The following DNAH11 variants were observed in gnomAD, a reference collection of about 807,000 sequenced individuals.
DNAH11 encodes axonemal beta dynein heavy chain 11.
In DNAH11, 442 loss-of-function variants were observed where a neutral mutation model predicts 526.0. The ratio of observed to expected loss-of-function variants is 0.84; its 90% CI spans 0.78 to 0.91. The LOEUF (loss-of-function observed/expected upper bound fraction) is 0.91. DNAH11 is among the 40% of genes least tolerant of loss of function. The pLI is 0.00. For missense variants in DNAH11, 6,989 were observed against 5,448.7 expected, an observed-to-expected ratio of 1.28 and a Z score of -8.90; for synonymous variants, 2,461 against 1,935.9, an observed-to-expected ratio of 1.27 and a Z score of -7.12.
At position 21,901,769 on chromosome 7, in the gene DNAH11, G is replaced by A. The variant is rs1366071189; in HGVS notation, c.*515G>A. The A allele has an allele frequency of 1.4e-5, 2 of 139,816 alleles. No individual in the cohort carries two copies. The highest frequency in any genetic ancestry group is 3.2e-5 in the Non-Finnish European group (2 of 62,186). 8.7% of individuals were successfully genotyped at this position (139,816 alleles called of 1,614,324 possible). A position where few individuals can be genotyped will look rare whatever the true frequency, so the allele number is the denominator to read the frequency against. On this transcript the variant is annotated 3_prime_UTR_variant, in exon 82 of 82. Transcript: ENST00000409508. ...CACTCTGTAAGGCCTCCAGTGTCCA[G>A]TGTCTACAATGTTGATGGTCCCCTT... is the stretch of plus-strand genomic sequence containing the variant.
intron 74 of DNAH11, among the ~76,000 whole-genome samples, chr7:21,875,349 C>A (rs1362382340): frequency 2.0e-5 from 3 of 152,102 alleles, no homozygotes; most frequent in Admixed American, 6.6e-5. Context: ...TATCTTTATT[C>A]ATGAAAGTGA....
intron 65 of DNAH11, among the ~76,000 whole-genome samples, chr7:21,818,647 C>T (rs1411141177): frequency 6.6e-6 from 1 of 152,166 alleles, no homozygotes; most frequent in Admixed American, 6.6e-5. Context: ...CAGTAATTTG[C>T]AGAACACCTT....
intron 22 of DNAH11, among the ~76,000 whole-genome samples, chr7:21,617,028 T>C (rs1311654540): frequency 6.6e-6 from 1 of 152,240 alleles, no homozygotes; most frequent in East Asian, 1.9e-4. Context: ...CTTCATTCTT[T>C]CGGATGTCAT....
chr7:21,775,139 A>G (rs1787616841), intron 56 of DNAH11, among the ~76,000 whole-genome samples: 1 of 152,168 alleles, frequency 6.6e-6, no homozygotes, highest in Non-Finnish European at 1.5e-5. Flanking sequence ...CTATACCAAG[A>G]ATGACTCTGT....
At position 21,793,872 on chromosome 7, in the gene DNAH11, C is replaced by G. The variant is rs927707022; in HGVS notation, c.10026+4530C>G. 6.6e-6 allele frequency among the ~76,000 whole-genome samples: 1 copy of G among 152,122 alleles called. No individual in the cohort carries two copies. The highest frequency in any genetic ancestry group is 1.5e-5 in the Non-Finnish European group (1 of 68,010). On this transcript the variant is annotated intron_variant, in intron 61 of 81. Transcript: ENST00000409508. Reference sequence around the variant, plus strand: ...TTGAACAAGCTTTCTACATCTTGCTCTTTTTAAACTCCCTCTTGAACTCCA... The same window carrying G: ...TTGAACAAGCTTTCTACATCTTGCTGTTTTTAAACTCCCTCTTGAACTCCA...
intron 56 of DNAH11, among the ~76,000 whole-genome samples, chr7:21,775,892 G>T (rs1026565418): frequency 6.6e-6 from 1 of 152,136 alleles, no homozygotes; most frequent in African/African-American, 2.4e-5. Context: ...GGAAATGATA[G>T]TATTGTCACC....
chr7:21,609,640 A>G (rs1036423472), intron 20 of DNAH11, among the ~76,000 whole-genome samples: 2 of 152,246 alleles, frequency 1.3e-5, no homozygotes, highest in African/African-American at 2.4e-5. Flanking sequence ...ACATTTTGAA[A>G]AGCCCTCTTT....
chr7:21,663,803 G>A (rs1782324478), intron 30 of DNAH11, among the ~76,000 whole-genome samples: 1 of 144,654 alleles, frequency 6.9e-6, no homozygotes, highest in African/African-American at 2.6e-5. Flanking sequence ...GTGTATATTT[G>A]CCATATTTGC....
intron 25 of DNAH11, among the ~76,000 whole-genome samples, chr7:21,628,554 G>T (rs992495658): frequency 6.6e-6 from 1 of 151,988 alleles, no homozygotes; most frequent in Non-Finnish European, 1.5e-5. Flanking sequence ...TAATCATATG[G>T]TTTTTCTTCT....
At chr7:21,612,370 A>C (rs531824668) in intron 20 of DNAH11, among the ~76,000 whole-genome samples, 2 of 151,994 alleles carry the variant, frequency 1.3e-5, no homozygotes, top group Non-Finnish European at 2.9e-5. Flanking sequence ...CCTGGCTAAT[A>C]CGGTGAAACC....
chr7:21,727,027 G>C lies in DNAH11; in HGVS notation c.7440+1043G>C, dbSNP rs1472436905. On this transcript the variant is annotated intron_variant, in intron 45 of 81. Transcript: ENST00000409508. Reference sequence around the variant, plus strand: ...CGGCTCACCGCAAGATCCACCTCCGGGGTTCAAGTGACTCTCCTGCCTCAG... The same window carrying C: ...CGGCTCACCGCAAGATCCACCTCCGCGGTTCAAGTGACTCTCCTGCCTCAG... 1.6e-5 allele frequency among the ~76,000 whole-genome samples: 2 copies of C among 125,964 alleles called. 1 individual carries two copies. Among genetic ancestry groups the C allele is most frequent in the Admixed American group, 1.9e-4 (2 of 10,450 alleles). 82.6% of individuals were successfully genotyped at this position (125,964 alleles called of 152,430 possible).
chr7:21,804,310 C>T (rs1789148963), intron 62 of DNAH11, among the ~76,000 whole-genome samples: 1 of 151,996 alleles, frequency 6.6e-6, no homozygotes, highest in Non-Finnish European at 1.5e-5. Context: ...GGGGTTTCAC[C>T]GTGTTAGCCA....
At chr7:21,715,282 C>T (rs1784610652) in intron 42 of DNAH11, among the ~76,000 whole-genome samples, 1 of 152,180 alleles carries the variant, frequency 6.6e-6, no homozygotes, top group African/African-American at 2.4e-5. Context: ...TTTGGCTACT[C>T]TAGAAAGTTT....
At chr7:21,824,558 T>C (rs936928586) in intron 65 of DNAH11, among the ~76,000 whole-genome samples, 3 of 152,152 alleles carry the variant, frequency 2.0e-5, no homozygotes, top group African/African-American at 7.2e-5. Context: ...AAGATCTAAA[T>C]AGACATTTCT....
chr7:21,843,688 C>T (rs1384353254), intron 66 of DNAH11, among the ~76,000 whole-genome samples: 1 of 151,882 alleles, frequency 6.6e-6, no homozygotes, highest in Admixed American at 6.6e-5. Context: ...ACCATATTTG[C>T]CAGGCTGGTC....
intron 61 of DNAH11, among the ~76,000 whole-genome samples, chr7:21,799,625 C>T (rs986887180): frequency 1.5e-4 from 23 of 152,212 alleles, no homozygotes; most frequent in Admixed American, 5.2e-4. Context: ...CATGACCCAC[C>T]GCACCCGGCC....
intron 34 of DNAH11, among the ~76,000 whole-genome samples, chr7:21,688,882 T>C (rs1275685094): frequency 6.6e-6 from 1 of 152,232 alleles, no homozygotes; most frequent in Non-Finnish European, 1.5e-5. Context: ...GTAACATTTT[T>C]ATCAACAGGG....
Position 21,754,747 on chromosome 7 carries a change from A to G in DNAH11, c.8940+4383A>G, listed in dbSNP as rs1040549737. On this transcript the variant is annotated intron_variant, in intron 54 of 81. Coordinates refer to ENST00000409508, the MANE Select transcript of DNAH11 (RefSeq NM_001277115.2). ...CTGATCCCCTTTGGCCTTGTCACTC[A>G]GTTTGATCCACCCTGTGGAAGGCTA... Among the ~76,000 whole-genome samples, 22 of 152,236 alleles carry G rather than the reference A, an allele frequency of 1.4e-4. No homozygotes were observed. The East Asian group carries it at 4.3e-3, about 29-fold the overall frequency.
intron 40 of DNAH11, 35 bp downstream of exon 40, chr7:21,707,870 T>C: frequency 6.5e-7 from 1 of 1,529,808 alleles, no homozygotes. Flanking sequence ...TCAATTTTTT[T>C]TTTCTATCCA....
Sources: gnomAD v4.1 joint callset for allele counts (sites outside exome capture counted in the v4.1 genomes callset) on GRCh38, gnomAD v4.1.1 for gene constraint, MANE v1.5 for transcripts, NCBI Gene and HGNC (gene_info 2026-07-23, HGNC 2026-07-21) for gene names.